Variants in RBFOX3 observed in about 807,000 individuals in gnomAD.
The protein encoded by RBFOX3 is RNA binding protein fox-1 homolog 3.
In RBFOX3, 17 loss-of-function variants were observed where a neutral mutation model predicts 48.7. That is an observed-to-expected ratio of 0.35 (90% CI 0.24 to 0.52). The LOEUF (loss-of-function observed/expected upper bound fraction) is 0.52. Among genes scored for constraint, RBFOX3 ranks in the 20% least tolerant of loss-of-function variants. The pLI is 0.94. For synonymous variants in RBFOX3, 212 were observed against 209.5 expected (o/e 1.01, Z -0.10); for missense variants, 382 against 497.5 (o/e 0.77, Z 2.21).
At chr17:79,346,715 C>T (rs1033898040) in intron 2 of RBFOX3, among the ~76,000 whole-genome samples, 6 of 152,312 alleles carry the variant, frequency 3.9e-5, no homozygotes, top group African/African-American at 1.4e-4. Context: ...ACTTCCTATT[C>T]ATTTATTAGA....
intron 4 of RBFOX3, among the ~76,000 whole-genome samples, chr17:79,219,041 A>C (rs1053024307): frequency 1.4e-4 from 21 of 152,192 alleles, no homozygotes; most frequent in African/African-American, 5.1e-4. Flanking sequence ...CCCACAGTCC[A>C]GCTGCTTGGT....
At chr17:79,454,423 C>T (rs889407544) in intron 2 of RBFOX3, among the ~76,000 whole-genome samples, 69 of 152,256 alleles carry the variant, frequency 4.5e-4, no homozygotes, top group South Asian at 2.1e-4. Flanking sequence ...GGCCCAGCCC[C>T]GCCACCTCTC....
At chr17:79,411,229 T>C (rs1187095074) in intron 2 of RBFOX3, among the ~76,000 whole-genome samples, 1 of 152,176 alleles carries the variant, frequency 6.6e-6, no homozygotes. Flanking sequence ...TCTGGGTGTG[T>C]GTTCCAGCTT....
At chr17:79,498,550 C>T (rs1415115263) in intron 1 of RBFOX3, among the ~76,000 whole-genome samples, 2 of 150,896 alleles carry the variant, frequency 1.3e-5, no homozygotes, top group Non-Finnish European at 2.9e-5. Flanking sequence ...CTTACCCATC[C>T]GTCTACTCAT....
chr17:79,411,390 G>A (rs943364154), intron 2 of RBFOX3, among the ~76,000 whole-genome samples: 16 of 152,080 alleles, frequency 1.1e-4, no homozygotes, highest in South Asian at 6.2e-4. Context: ...AGGTTGTCTC[G>A]GACCCAGGGC....
At chr17:79,627,466 C>T in the RBFOX3 span, among the ~76,000 whole-genome samples, 1 of 152,186 alleles carries the variant, frequency 6.6e-6, no homozygotes, top group African/African-American at 2.4e-5. Context: ...GACCAGGGCT[C>T]GGCTTTCTCC....
intron 1 of RBFOX3, among the ~76,000 whole-genome samples, chr17:79,508,426 G>GCCCACCGCCT (rs2083502431): frequency 6.6e-6 from 1 of 152,142 alleles, no homozygotes; most frequent in African/African-American, 2.4e-5. Context: ...CTGGGCCGCC[G>GCCCACCGCCT]CCCACCGCCT....
chr17:79,300,176 TTACAGGCATGA>T (rs2075088699), intron 3 of RBFOX3, among the ~76,000 whole-genome samples: 2 of 152,206 alleles, frequency 1.3e-5, no homozygotes, highest in African/African-American at 4.8e-5. Context: ...AGTGCTGGGA[TTACAGGCATGA>T]GCCACTGTGC....
rs1254060621 is a variant in RBFOX3, at chr17:79,605,943, G to A, written c.-320+4883C>T. Among the ~76,000 whole-genome samples, 8 of 152,310 alleles carry A rather than the reference G, an allele frequency of 5.3e-5. 1 individual carries two copies. The highest frequency in any genetic ancestry group is 4.1e-4 in the South Asian group (2 of 4,830). ...CACTTCTAAAAAGCTTCCCCAAGCC[G>A]CAGCTTTCTCTACCCACAAGGGGAA... On this transcript the variant is annotated intron_variant, in intron 1 of 14. Transcript: ENST00000693108.
intron 5 of RBFOX3, among the ~76,000 whole-genome samples, chr17:79,108,499 T>G (rs1483460697): frequency 6.6e-6 from 1 of 151,832 alleles, no homozygotes; most frequent in Non-Finnish European, 1.5e-5. Context: ...GGACGGTGAG[T>G]GGGGAGCCTG....
chr17:79,589,164 C>A (rs1369763168), intron 1 of RBFOX3, among the ~76,000 whole-genome samples: 1 of 152,232 alleles, frequency 6.6e-6, no homozygotes, highest in Non-Finnish European at 1.5e-5. Flanking sequence ...GCTACCATAA[C>A]ACAGGACTGC....
chr17:79,543,214 A>C (rs550209180), intron 1 of RBFOX3, among the ~76,000 whole-genome samples: 2 of 152,246 alleles, frequency 1.3e-5, no homozygotes, highest in African/African-American at 4.8e-5. Flanking sequence ...CCAGCAGAAA[A>C]TCACCTCCTC....
Position 79,359,733 on chromosome 17 carries a change from A to AT in RBFOX3, c.-174-51910dup, listed in dbSNP as rs34738864. On this transcript the variant is annotated intron_variant, in intron 2 of 14. Transcript: ENST00000693108. ...TCTCCTGCACTTCGTAATTTGGGTC[A>AT]TTTTTTTTTTTTGAGATAGGGTCTC... is the stretch of plus-strand genomic sequence containing the variant. Among the ~76,000 whole-genome samples, 555 of 148,346 alleles carry AT rather than the reference A, an allele frequency of 3.7e-3. 3 individuals carry two copies. The highest frequency in any genetic ancestry group is 0.012 in the African/African-American group (464 of 40,288).
intron 4 of RBFOX3, among the ~76,000 whole-genome samples, chr17:79,196,774 C>T (rs1412707234): frequency 6.6e-6 from 1 of 152,232 alleles, no homozygotes; most frequent in East Asian, 1.9e-4. Context: ...AGAGAGTCTA[C>T]AGATAATTCT....
upstream of RBFOX3, among the ~76,000 whole-genome samples, chr17:79,615,951 A>G (rs1162472310): frequency 6.6e-6 from 1 of 152,172 alleles, no homozygotes; most frequent in Non-Finnish European, 1.5e-5. Flanking sequence ...GCAGACCCAA[A>G]TCATCACAGA....
chr17:79,283,782 T>C (rs1331407003), intron 3 of RBFOX3, among the ~76,000 whole-genome samples: 2 of 152,256 alleles, frequency 1.3e-5, no homozygotes, highest in African/African-American at 4.8e-5. Context: ...CCATCCTGTT[T>C]CTTTGTGCTT....
At chr17:79,187,351 C>T (rs576097062) in intron 4 of RBFOX3, among the ~76,000 whole-genome samples, 94 of 152,356 alleles carry the variant, frequency 6.2e-4, no homozygotes, top group African/African-American at 1.0e-3. Flanking sequence ...GCTTCCCCTG[C>T]GCCGTGAGGA....
At chr17:79,330,536 C>T (rs923008878) in intron 2 of RBFOX3, among the ~76,000 whole-genome samples, 1 of 150,616 alleles carries the variant, frequency 6.6e-6, no homozygotes, top group African/African-American at 2.4e-5. Context: ...TCAGGTTCCA[C>T]ACGCTTCTCC....
chr17:79,247,885 G>C (rs935503113), intron 3 of RBFOX3, among the ~76,000 whole-genome samples: 8 of 152,196 alleles, frequency 5.3e-5, no homozygotes, highest in African/African-American at 1.9e-4. Flanking sequence ...TAAAAGCGGG[G>C]GTGACAGTAG....
Sources: gnomAD v4.1 joint callset for allele counts (sites outside exome capture counted in the v4.1 genomes callset) on GRCh38, gnomAD v4.1.1 for gene constraint, MANE v1.5 for transcripts, NCBI Gene and HGNC (gene_info 2026-07-23, HGNC 2026-07-21) for gene names.